The following DDI2 variants were observed in gnomAD, a reference collection of about 807,000 sequenced individuals.
DDI2 encodes the protein DDI proteasomal shuttling factor 2.
DDI2 carries 5 observed loss-of-function variants against 48.1 expected under a neutral mutation model. The observed-to-expected ratio is 0.10, with a 90% CI of 0.05 to 0.22. The LOEUF (loss-of-function observed/expected upper bound fraction) is 0.22. Among genes scored for constraint, DDI2 ranks in the 10% least tolerant of loss-of-function variants. DDI2 has a pLI of 1.00. For synonymous variants in DDI2, 205 were observed against 183.6 expected, an observed-to-expected ratio of 1.12 and a Z score of -0.94; for missense variants, 285 against 506.2, an observed-to-expected ratio of 0.56 and a Z score of 4.19.
chr1:15,625,853 G>A (rs756711545), intron 1 of DDI2, among the ~76,000 whole-genome samples: 7 of 152,132 alleles, frequency 4.6e-5, no homozygotes, highest in African/African-American at 9.7e-5. Context: ...CCCTGACCTC[G>A]TGATCCACCC....
chr1:15,667,009 A>T lies in DDI2; in HGVS notation c.*7219A>T, dbSNP rs1570999509. 6.6e-6 allele frequency: 1 copy of T among 152,050 alleles called. No homozygotes were observed. The highest frequency in any genetic ancestry group is 1.5e-5 in the Non-Finnish European group (1 of 68,036). The allele number at this position is 152,050 out of a possible 1,614,324, so 9.4% of individuals were successfully genotyped here. Reference sequence around the variant, plus strand: ...GTGGATATGAGGTCAGGAGGTCGAGACCAGCCTGGCCAATATGATGAAACC... The same window carrying T: ...GTGGATATGAGGTCAGGAGGTCGAGTCCAGCCTGGCCAATATGATGAAACC... On this transcript the variant is annotated 3_prime_UTR_variant, in exon 10 of 10. Coordinates refer to ENST00000480945, the MANE Select transcript of DDI2 (RefSeq NM_032341.5).
At chr1:15,649,445 C>T (rs1046577545) in intron 6 of DDI2, among the ~76,000 whole-genome samples, 3 of 151,916 alleles carry the variant, frequency 2.0e-5, no homozygotes, top group Non-Finnish European at 2.9e-5. Context: ...CCAAGGTGGG[C>T]AGATAACCTG....
At chr1:15,633,403 A>G in intron 3 of DDI2, 36 bp from the exon 4 acceptor site, 6 of 1,604,824 alleles carry the variant, frequency 3.7e-6, no homozygotes, top group Non-Finnish European at 5.1e-6. Flanking sequence ...TTGAAAATAT[A>G]GTGATATTTA....
At chr1:15,644,477 G>A (rs1054637078) in intron 6 of DDI2, among the ~76,000 whole-genome samples, 4 of 151,930 alleles carry the variant, frequency 2.6e-5, no homozygotes, top group African/African-American at 9.7e-5. Flanking sequence ...ACAATTTCGA[G>A]GCATTGCCCC....
At chr1:15,657,690 A>G (rs114130327) in intron 9 of DDI2, among the ~76,000 whole-genome samples, 1 of 152,224 alleles carries the variant, frequency 6.6e-6, no homozygotes, top group Non-Finnish European at 1.5e-5. Context: ...TGTTGCTTAC[A>G]TGGATATTTC....
chr1:15,643,456 T>C, intron 5 of DDI2, 66 bp from the exon 6 acceptor site: 3 of 1,586,550 alleles, frequency 1.9e-6, no homozygotes, highest in Admixed American at 3.6e-5. Context: ...TATTTAGTGC[T>C]ATATTTTGAG....
chr1:15,628,732 G>A (rs7545782), intron 2 of DDI2, among the ~76,000 whole-genome samples: 1 of 140,708 alleles, frequency 7.1e-6, no homozygotes, highest in African/African-American at 2.7e-5. Context: ...TATTGAGATA[G>A]AATTCATGCA....
chr1:15,624,364 A>T (rs1344087376), intron 1 of DDI2, among the ~76,000 whole-genome samples: 2 of 152,126 alleles, frequency 1.3e-5, no homozygotes, highest in Admixed American at 6.5e-5. Context: ...TTCTGTGTTG[A>T]TGGTGATGTA....
In DDI2 at chr1:15,651,907, G is replaced by A. The variant is rs1640188990; in HGVS notation, c.1183+12G>A. On this transcript the variant is annotated intron_variant, in intron 8 of 9. Transcript: ENST00000480945. ...AGCAGAGGATGCAGGTATTTGGGAT[G>A]GCCAAACTCTTCAATACTTGTTATT... 13 of 1,611,400 alleles carry A rather than the reference G, an allele frequency of 8.1e-6. No homozygotes were observed. Among genetic ancestry groups the A allele is most frequent in the Non-Finnish European group, 1.1e-5 (13 of 1,178,562 alleles).
chr1:15,657,146 C>T (rs1284135480), intron 9 of DDI2, among the ~76,000 whole-genome samples: 2 of 152,264 alleles, frequency 1.3e-5, no homozygotes, highest in Admixed American at 1.3e-4. Flanking sequence ...GAAACTTAGG[C>T]CAGAGGACTT....
intron 9 of DDI2, 114 bp downstream of exon 9, chr1:15,656,793 C>CA: frequency 6.8e-7 from 1 of 1,478,546 alleles, no homozygotes; most frequent in South Asian, 1.2e-5. Flanking sequence ...TCACCTTGTT[C>CA]AATCTGGTTA....
In DDI2 at chr1:15,660,621, C is replaced by T. The variant is rs779568107; in HGVS notation, c.*831C>T. 46 of 1,613,972 alleles carry T rather than the reference C, an allele frequency of 2.9e-5. No homozygotes were observed. The highest frequency in any genetic ancestry group is 2.6e-4 in the South Asian group (24 of 91,052). ...CAAATTCAGAAACATTTATGGAAAT[C>T]GATACAGCTCAACAGTCCCTAGTTA... On this transcript the variant is annotated 3_prime_UTR_variant, in exon 10 of 10. Transcript: ENST00000480945.
Position 15,661,695 on chromosome 1 carries a change from C to T in DDI2, c.*1905C>T, listed in dbSNP as rs200228515. ...CAGACCTTGCACTTCTTGTTTTGCT[C>T]GCAAAAAACATCGTAGTTCCTACAT... On this transcript the variant is annotated 3_prime_UTR_variant, in exon 10 of 10. Transcript: ENST00000480945. 6 of 1,608,380 alleles carry T rather than the reference C, an allele frequency of 3.7e-6. No homozygotes were observed. The highest frequency in any genetic ancestry group is 3.3e-5 in the South Asian group (3 of 90,256).
rs1640438996 is a variant in DDI2, at chr1:15,665,448, A to G, written c.*5658A>G. The G allele has an allele frequency of 1.3e-5, 2 of 152,160 alleles. No individual in the cohort carries two copies. Among genetic ancestry groups the G allele is most frequent in the African/African-American group, 2.4e-5 (1 of 41,424 alleles). 9.4% of individuals were successfully genotyped at this position (152,160 alleles called of 1,614,324 possible). A position where few individuals can be genotyped will look rare whatever the true frequency, so the allele number is the denominator to read the frequency against. On this transcript the variant is annotated 3_prime_UTR_variant, in exon 10 of 10. Transcript: ENST00000480945. ...AAGCATGTCTCTAGCAAGAGGGTAC[A>G]TAGAAATGGAACATGAGGCTTTTTG...
Position 15,660,069 on chromosome 1 carries a change from AAAG to A in DDI2, c.*282_*284del, listed in dbSNP as rs1235770836. 1 of 1,613,950 alleles carries A rather than the reference AAAG, an allele frequency of 6.2e-7. No homozygotes were observed. Among genetic ancestry groups the A allele is most frequent in the Admixed American group, 1.7e-5 (1 of 59,930 alleles). On this transcript the variant is annotated 3_prime_UTR_variant, in exon 10 of 10. Transcript: ENST00000480945. ...CAGCTGAATTCCAGCTAAACTCTGA[AAAG>A]AAAGAACATCTTTCTTTACAAGATC...
At chr1:15,638,186 T>C in intron 4 of DDI2, 121 bp from the exon 5 acceptor site, 1 of 1,413,814 alleles carries the variant, frequency 7.1e-7, no homozygotes, top group Non-Finnish European at 9.6e-7. Context: ...TTTCTATGAC[T>C]CGGCTGCTGT....
At chr1:15,627,847 A>G (rs1004255200) in intron 2 of DDI2, among the ~76,000 whole-genome samples, 1 of 152,236 alleles carries the variant, frequency 6.6e-6, no homozygotes. Context: ...CAGTGTTTCC[A>G]TTCAGCCTGA....
rs1451731137 is a variant in DDI2 at position 15,666,663 on chromosome 1, T to C, written c.*6873T>C. 1 of 152,208 alleles carries C rather than the reference T, an allele frequency of 6.6e-6. No individual in the cohort carries two copies. The highest frequency in any genetic ancestry group is 1.5e-5 in the Non-Finnish European group (1 of 68,026). 9.4% of individuals were successfully genotyped at this position (152,208 alleles called of 1,614,324 possible). A position where few individuals can be genotyped will look rare whatever the true frequency, so the allele number is the denominator to read the frequency against. On this transcript the variant is annotated 3_prime_UTR_variant, in exon 10 of 10. Transcript: ENST00000480945. ...ATTCATCAAATACTGAGTGCCTGTGTGCCAGGCACAGGTGAACTCTGGGGA... is the reference window on the plus strand; with the variant it reads ...ATTCATCAAATACTGAGTGCCTGTGCGCCAGGCACAGGTGAACTCTGGGGA...
At chr1:15,619,260 A>G (rs753716992) in intron 1 of DDI2, among the ~76,000 whole-genome samples, 8 of 151,784 alleles carry the variant, frequency 5.3e-5, no homozygotes, top group Non-Finnish European at 8.8e-5. Context: ...AACTGGGACT[A>G]CGGGCGCGCG....
Sources: gnomAD v4.1 joint callset for allele counts (sites outside exome capture counted in the v4.1 genomes callset) on GRCh38, gnomAD v4.1.1 for gene constraint, MANE v1.5 for transcripts, NCBI Gene and HGNC (gene_info 2026-07-23, HGNC 2026-07-21) for gene names.